DST: variants seen among roughly 807,000 people sequenced by gnomAD.
DST encodes the protein bullous pemphigoid antigen.
In DST, 253 loss-of-function variants were observed where a neutral mutation model predicts 875.2. The observed-to-expected ratio is 0.29, with a 90% confidence interval of 0.26 to 0.32. The LOEUF (loss-of-function observed/expected upper bound fraction) is 0.32, where lower values mean the gene tolerates loss of function less well. Among genes scored for constraint, DST ranks in the 10% least tolerant of loss-of-function variants. The pLI is 1.00. For synonymous variants in DST, 3,124 were observed against 3,197.1 expected (o/e 0.98, Z 0.77); for missense variants, 8,287 against 9,111.6 (o/e 0.91, Z 3.68).
chr6:56,597,850 A>G lies in DST; in HGVS notation c.12085T>C (p.Ser4029Pro), dbSNP rs199545367. 1 of 1,613,870 alleles carries G rather than the reference A, an allele frequency of 6.2e-7. No individual in the cohort carries two copies. Among genetic ancestry groups the G allele is most frequent in the African/African-American group, 1.3e-5 (1 of 75,036 alleles). The change falls in exon 47 of 104, where the codon TCA (serine) becomes CCA (proline). Residue 4029 changes from serine (S) to proline (P), a missense_variant. By Grantham distance (74) the Ser-to-Pro change is moderately conservative. Around this residue, in one of 10 missense-constraint regions of DST, gnomAD observed 1,513 missense variants for 1,677.8 expected, o/e 0.90. Coordinates refer to ENST00000680361, the MANE Select transcript of DST (RefSeq NM_001374736.1). Reference sequence around the variant, plus strand: ...ACTTCATCCTCTTCTCCAATTGCTGACTTGCCATCACCTTCTTGAAAATGG... The same window carrying G: ...ACTTCATCCTCTTCTCCAATTGCTGGCTTGCCATCACCTTCTTGAAAATGG... ...GTHFQEGDGK[S>P]AIGEEDEVNG...
At chr6:56,864,200 C>T (rs908113615) in intron 3 of DST, 4 of 152,086 alleles carry the variant, frequency 2.6e-5, no homozygotes, top group African/African-American at 4.8e-5. Context: ...AGCCTGATAC[C>T]CTGAAGAATT....
At chr6:56,783,580 G>C (rs2099698836) in intron 4 of DST, among the ~76,000 whole-genome samples, 1 of 152,066 alleles carries the variant, frequency 6.6e-6, no homozygotes, top group African/African-American at 2.4e-5. Flanking sequence ...TTGCTTGGTA[G>C]ATCTTCCTCC....
Position 56,614,433 on chromosome 6 carries a change from G to T in DST, c.4981C>A (p.Gln1661Lys). 6.2e-7 allele frequency: 1 copy of T among 1,608,372 alleles called. No individual in the cohort carries two copies. The highest frequency in any genetic ancestry group is 8.5e-7 in the Non-Finnish European group (1 of 1,177,492). Reference sequence around the variant, plus strand: ...TTGCTGATATTTGATACCCATTTTTGCAATTCTTTGGCTTTTTCAACATGT... The same window carrying T: ...TTGCTGATATTTGATACCCATTTTTTCAATTCTTTGGCTTTTTCAACATGT... ...KEHVEKAKEL[Q>K]KWVSNISKTL... Residue 1661 changes from glutamine (Q) to lysine (K), a missense_variant, in exon 37 of 104, where the codon CAA (glutamine) becomes AAA (lysine). Physicochemically the swap from Gln to Lys is moderately conservative, Grantham distance 53. Transcript: ENST00000680361.
chr6:56,944,162 CT>C (rs1165651030), intron 2 of DST, among the ~76,000 whole-genome samples: 1 of 152,136 alleles, frequency 6.6e-6, no homozygotes, highest in East Asian at 1.9e-4. Flanking sequence ...GTATCTGTCT[CT>C]TTCCCCTTAA....
chr6:56,592,430 A>T (rs545523122), intron 48 of DST, 72 bp from the exon 49 acceptor site: 7 of 1,215,340 alleles, frequency 5.8e-6, no homozygotes, highest in African/African-American at 3.1e-5. Flanking sequence ...TAATCTTAGG[A>T]CCTATAAAAT....
chr6:56,568,685 T>A, intron 54 of DST, 90 bp from the exon 55 acceptor site: 3 of 1,164,548 alleles, frequency 2.6e-6, no homozygotes, highest in Non-Finnish European at 3.5e-6. Flanking sequence ...CTTAAAGTAG[T>A]AATAATTGTA....
At position 56,526,531 on chromosome 6, in the gene DST, G is replaced by C; in HGVS notation, c.17959C>G (p.Leu5987Val). The change falls in exon 69 of 104, where the codon CTG becomes GTG. Residue 5987 changes from leucine to valine, a missense_variant. Coordinates refer to ENST00000680361, the MANE Select transcript of DST (RefSeq NM_001374736.1). Reference sequence around the variant, plus strand: ...CTGCTCACTTCATTAAGGGAGTCCAGTAAGGCTTTGTTGTTCTTAGCTTCC... The same window carrying C: ...CTGCTCACTTCATTAAGGGAGTCCACTAAGGCTTTGTTGTTCTTAGCTTCC... ...KKEAKNNKALLDSLNEVSSAL... is the reference protein window; with the variant it reads ...KKEAKNNKALVDSLNEVSSAL... The C allele has an allele frequency of 6.2e-7, 1 of 1,613,702 alleles. No individual in the cohort carries two copies. The highest frequency in any genetic ancestry group is 8.5e-7 in the Non-Finnish European group (1 of 1,179,730).
At chr6:56,596,402 G>A (rs1414378762) in intron 47 of DST, among the ~76,000 whole-genome samples, 3 of 152,154 alleles carry the variant, frequency 2.0e-5, no homozygotes, top group Admixed American at 6.5e-5. Flanking sequence ...GCCACACTGT[G>A]CCTAAAACCA....
intron 2 of DST, among the ~76,000 whole-genome samples, chr6:56,938,022 G>A (rs559436198): frequency 1.3e-5 from 2 of 151,946 alleles, no homozygotes; most frequent in East Asian, 3.9e-4. Flanking sequence ...ACAGGCATGA[G>A]AAATCTTTTG....
intron 3 of DST, among the ~76,000 whole-genome samples, chr6:56,887,266 T>C (rs974168810): frequency 5.5e-4 from 83 of 152,216 alleles, no homozygotes; most frequent in African/African-American, 1.9e-3. Context: ...AGACTGAGAG[T>C]GACACGGTAG....
At position 56,595,648 on chromosome 6, in the gene DST, T is replaced by G. The variant is rs376702931; in HGVS notation, c.12196-1455A>C. On this transcript the variant is annotated intron_variant, in intron 47 of 103. Coordinates refer to ENST00000680361, the MANE Select transcript of DST (RefSeq NM_001374736.1). ...TGATCCCAATTAGTCAGCTCAGAAC[T>G]GGCTCATTAACACTGGTATCCTCAC... 2.6e-5 allele frequency among the ~76,000 whole-genome samples: 4 copies of G among 152,310 alleles called. No homozygotes were observed. The East Asian group carries it at 5.8e-4, about 22-fold the overall frequency.
intron 47 of DST, among the ~76,000 whole-genome samples, chr6:56,597,321 T>C (rs754457803): frequency 6.6e-6 from 1 of 152,010 alleles, no homozygotes; most frequent in Non-Finnish European, 1.5e-5. Flanking sequence ...TAAATCCAAA[T>C]TCCAGCCCTT....
chr6:56,818,315 G>C (rs1006678985), intron 4 of DST, among the ~76,000 whole-genome samples: 1 of 152,076 alleles, frequency 6.6e-6, no homozygotes, highest in African/African-American at 2.4e-5. Flanking sequence ...GGAAAGCAGG[G>C]GGGGAACTAA....
At chr6:56,566,864 A>T (rs1212773356) in intron 55 of DST, among the ~76,000 whole-genome samples, 1 of 152,244 alleles carries the variant, frequency 6.6e-6, no homozygotes, top group Non-Finnish European at 1.5e-5. Flanking sequence ...TACATAAAAA[A>T]GAAGTTGAAA....
chr6:56,634,418 G>A (rs373130488), intron 26 of DST, 44 bp downstream of exon 26: 2 of 1,611,252 alleles, frequency 1.2e-6, no homozygotes, highest in African/African-American at 1.3e-5. Context: ...ACCTTCAGAG[G>A]GCCCCCAAAA....
At chr6:56,924,172 C>T (rs1805786917) in intron 2 of DST, among the ~76,000 whole-genome samples, 1 of 152,090 alleles carries the variant, frequency 6.6e-6, no homozygotes, top group Admixed American at 6.6e-5. Flanking sequence ...TGACCAAGTA[C>T]CTGGGTACCC....
intron 50 of DST, among the ~76,000 whole-genome samples, chr6:56,575,284 C>T (rs763955095): frequency 1.5e-4 from 23 of 151,964 alleles, no homozygotes; most frequent in African/African-American, 5.3e-4. Flanking sequence ...GTGATGGGTT[C>T]GATCATATGC....
rs549932076 is a variant in DST at position 56,535,497 on chromosome 6, G to C, written c.16771-205C>G. Among the ~76,000 whole-genome samples, 18 of 152,230 alleles carry C rather than the reference G, an allele frequency of 1.2e-4. No homozygotes were observed. The South Asian group carries it at 3.5e-3, about 30-fold the overall frequency. On this transcript the variant is annotated intron_variant, in intron 62 of 103. Coordinates refer to ENST00000680361, the MANE Select transcript of DST (RefSeq NM_001374736.1). ...TTTAAGCAAGTAGGCATGAAAATAAGGTTACCATCACAGTCAACATAGAGC... is the reference window on the plus strand; with the variant it reads ...TTTAAGCAAGTAGGCATGAAAATAACGTTACCATCACAGTCAACATAGAGC...
At position 56,607,655 on chromosome 6, in the gene DST, T is replaced by C; in HGVS notation, c.6973A>G (p.Thr2325Ala). ...TTAACTTTAGGATCAATTGATATTGTACTTGCCAGTTTTCCTGACTGAGAA... is the reference window on the plus strand; with the variant it reads ...TTAACTTTAGGATCAATTGATATTGCACTTGCCAGTTTTCCTGACTGAGAA... ...EFSQSGKLAS[T>A]ISIDPKVNSS... The change falls in exon 40 of 104, where the codon ACA becomes GCA. Residue 2325 changes from threonine to alanine, a missense_variant. Thr to Ala is a moderately conservative substitution (Grantham distance 58, BLOSUM62 0). This residue lies in a region of DST where 3,138 missense variants were observed against 3,116.6 expected (regional missense o/e 1.01). Coordinates refer to ENST00000680361, the MANE Select transcript of DST (RefSeq NM_001374736.1). 1 of 1,613,522 alleles carries C rather than the reference T, an allele frequency of 6.2e-7. No homozygotes were observed. Among genetic ancestry groups the C allele is most frequent in the South Asian group, 1.1e-5 (1 of 91,080 alleles).
Sources: gnomAD v4.1 joint callset for allele counts (sites outside exome capture counted in the v4.1 genomes callset) on GRCh38, gnomAD v4.1.1 for gene constraint, gnomAD v4.1.1 regional missense constraint, MANE v1.5 for transcripts, NCBI Gene and HGNC (gene_info 2026-07-23, HGNC 2026-07-21) for gene names.